Variants in RNF145 observed in about 807,000 individuals in gnomAD.
RNF145 encodes ring finger protein 145.
In RNF145, 12 loss-of-function variants were observed where a neutral mutation model predicts 57.3. The observed-to-expected ratio is 0.21, with a 90% confidence interval of 0.13 to 0.34. The LOEUF (loss-of-function observed/expected upper bound fraction) is 0.34. Among genes scored for constraint, RNF145 ranks in the 10% least tolerant of loss-of-function variants. The probability of loss-of-function intolerance (pLI) is 1.00; values close to 1 mark genes in which losing one functional copy is unlikely to be tolerated. For synonymous variants in RNF145, 262 were observed against 288.3 expected (o/e 0.91, Z 0.92); for missense variants, 429 against 799.0 (o/e 0.54, Z 5.58).
chr5:159,197,377 C>T (rs1785494907), intron 2 of RNF145, among the ~76,000 whole-genome samples: 1 of 152,162 alleles, frequency 6.6e-6, no homozygotes, highest in Non-Finnish European at 1.5e-5. Context: ...AGCCTAAATA[C>T]AATAATCAAG....
intron 10 of RNF145, 53 bp from the exon 11 acceptor site, chr5:159,159,088 T>G: frequency 6.6e-7 from 1 of 1,521,608 alleles, no homozygotes; most frequent in Non-Finnish European, 8.9e-7. Context: ...CTAGTATCTT[T>G]GGTGCTATCC....
At chr5:159,161,139 G>A in intron 10 of RNF145, 127 bp downstream of exon 10, 1 of 603,430 alleles carries the variant, frequency 1.7e-6, no homozygotes. Flanking sequence ...TAATTTCTGA[G>A]GTCCATTTTT....
intron 2 of RNF145, among the ~76,000 whole-genome samples, chr5:159,199,011 T>C (rs556402588): frequency 5.3e-5 from 8 of 152,302 alleles, no homozygotes; most frequent in East Asian, 1.9e-4. Context: ...TCATTCATTA[T>C]TGGGCACCAG....
chr5:159,174,728 T>C (rs1784660017), intron 5 of RNF145, among the ~76,000 whole-genome samples: 1 of 152,066 alleles, frequency 6.6e-6, no homozygotes, highest in Admixed American at 6.6e-5. Flanking sequence ...TTTATCAAGC[T>C]ATGTTTTTCC....
chr5:159,208,645 G>A (rs1462019790), intron 1 of RNF145, among the ~76,000 whole-genome samples: 2 of 152,180 alleles, frequency 1.3e-5, no homozygotes, highest in African/African-American at 4.8e-5. Context: ...CTGAAAGCGG[G>A]GAGCTTGAGT....
At chr5:159,164,830 T>A (rs1268002127) in intron 8 of RNF145, among the ~76,000 whole-genome samples, 1 of 152,206 alleles carries the variant, frequency 6.6e-6, no homozygotes, top group East Asian at 1.9e-4. Flanking sequence ...CAATTATTTC[T>A]ATGGCTAAAA....
chr5:159,193,501 A>G (rs974297353), intron 3 of RNF145, among the ~76,000 whole-genome samples: 12 of 152,214 alleles, frequency 7.9e-5, no homozygotes, highest in African/African-American at 2.9e-4. Flanking sequence ...TTTCAACAAG[A>G]GGGGTGAAAA....
chr5:159,177,586 T>C (rs2113141847), intron 4 of RNF145, among the ~76,000 whole-genome samples: 1 of 152,202 alleles, frequency 6.6e-6, no homozygotes, highest in Middle Eastern at 3.4e-3. Flanking sequence ...TCCATAATTA[T>C]AAAATGCTTT....
chr5:159,196,636 C>A (rs1214106601), intron 2 of RNF145, among the ~76,000 whole-genome samples: 1 of 152,180 alleles, frequency 6.6e-6, no homozygotes, highest in Non-Finnish European at 1.5e-5. Flanking sequence ...TCCTACACAT[C>A]CTAACTGCAA....
Position 159,209,211 on chromosome 5 carries a change from C to T in RNF145, c.-40+20G>A, listed in dbSNP as rs1786018988. ...GGGGGGCGCGGGGATGGGAAGGGGC[C>T]GGGCGGGCGGCGTGGTCACCTCAGG... On this transcript the variant is annotated intron_variant, in intron 1 of 10. Coordinates refer to ENST00000424310, the MANE Select transcript of RNF145 (RefSeq NM_001199383.2). 2.2e-5 allele frequency: 21 copies of T among 964,782 alleles called. No individual in the cohort carries two copies. The highest frequency in any genetic ancestry group is 2.6e-5 in the Non-Finnish European group (21 of 818,168). 59.8% of individuals were successfully genotyped at this position (964,782 alleles called of 1,614,324 possible). A position where few individuals can be genotyped will look rare whatever the true frequency, so the allele number is the denominator to read the frequency against.
At chr5:159,194,906 A>C in intron 2 of RNF145, 82 bp from the exon 3 acceptor site, 1 of 996,088 alleles carries the variant, frequency 1.0e-6, no homozygotes, top group Non-Finnish European at 1.5e-6. Context: ...TGAGACAAAT[A>C]ATTTTCCAAA....
intron 2 of RNF145, among the ~76,000 whole-genome samples, chr5:159,200,486 G>GA: frequency 6.6e-6 from 1 of 151,984 alleles, no homozygotes; most frequent in Non-Finnish European, 1.5e-5. Flanking sequence ...TGGTTATCTA[G>GA]AAAAAATAAA....
At chr5:159,187,149 G>T (rs550023074) in intron 3 of RNF145, among the ~76,000 whole-genome samples, 5 of 144,828 alleles carry the variant, frequency 3.5e-5, no homozygotes, top group African/African-American at 1.0e-4. Context: ...AGGCGTGGTG[G>T]TGGGCACCTG....
intron 6 of RNF145, among the ~76,000 whole-genome samples, chr5:159,171,986 A>G (rs1030102701): frequency 6.6e-6 from 1 of 152,342 alleles, no homozygotes; most frequent in Non-Finnish European, 1.5e-5. Flanking sequence ...TCCGAATATT[A>G]TTTTCTTACT....
intron 10 of RNF145, among the ~76,000 whole-genome samples, chr5:159,160,151 T>C (rs1349211100): frequency 6.6e-6 from 1 of 152,162 alleles, no homozygotes; most frequent in Non-Finnish European, 1.5e-5. Flanking sequence ...TGATGTGCTT[T>C]GTCCTGAGTA....
chr5:159,171,185 T>C (rs1426502777), intron 6 of RNF145, among the ~76,000 whole-genome samples: 1 of 152,204 alleles, frequency 6.6e-6, no homozygotes, highest in Non-Finnish European at 1.5e-5. Context: ...TTTTATGACA[T>C]TCCTACAAAT....
intron 3 of RNF145, among the ~76,000 whole-genome samples, chr5:159,191,171 C>G (rs889462871): frequency 6.6e-6 from 1 of 151,776 alleles, no homozygotes; most frequent in Non-Finnish European, 1.5e-5. Flanking sequence ...CTGGGCCACA[C>G]GCAGCCCAGG....
At chr5:159,171,752 GT>G (rs949172898) in intron 6 of RNF145, among the ~76,000 whole-genome samples, 1 of 151,926 alleles carries the variant, frequency 6.6e-6, no homozygotes, top group Non-Finnish European at 1.5e-5. Flanking sequence ...TAAATAAGTT[GT>G]TTTTTTGGCA....
chr5:159,177,744 T>G (rs1784763728), intron 4 of RNF145, among the ~76,000 whole-genome samples: 1 of 152,036 alleles, frequency 6.6e-6, no homozygotes, highest in Non-Finnish European at 1.5e-5. Flanking sequence ...CCAGCAACAA[T>G]TTACCAGTGT....
Sources: gnomAD v4.1 joint callset for allele counts (sites outside exome capture counted in the v4.1 genomes callset) on GRCh38, gnomAD v4.1.1 for gene constraint, MANE v1.5 for transcripts, NCBI Gene and HGNC (gene_info 2026-07-23, HGNC 2026-07-21) for gene names.